SLC7A7: variants seen among roughly 807,000 people sequenced by gnomAD.
SLC7A7 encodes solute carrier family 7 member 7.
Under a neutral mutation model 47.9 loss-of-function variants are expected in SLC7A7, and 39 were observed. That is an observed-to-expected ratio of 0.81 (90% CI 0.63 to 1.06). The LOEUF (loss-of-function observed/expected upper bound fraction) is 1.06. Among genes scored for constraint, SLC7A7 ranks in the 50% least tolerant of loss-of-function variants. The pLI is 0.00. For synonymous variants in SLC7A7, 234 were observed against 242.8 expected, an observed-to-expected ratio of 0.96 and a Z score of 0.34; for missense variants, 588 against 632.0, an observed-to-expected ratio of 0.93 and a Z score of 0.75.
upstream of SLC7A7, among the ~76,000 whole-genome samples, chr14:22,819,220 C>T (rs554872420): frequency 2.2e-4 from 33 of 152,042 alleles, no homozygotes; most frequent in Non-Finnish European, 4.0e-4. Context: ...ACTTTCTCTC[C>T]CAGAGACCCC....
chr14:22,787,957 C>T (rs1341165149), intron 2 of SLC7A7, among the ~76,000 whole-genome samples: 1 of 151,526 alleles, frequency 6.6e-6, no homozygotes, highest in Non-Finnish European at 1.5e-5. Context: ...CCTGTAGTCC[C>T]AGCTACTCGG....
chr14:22,804,447 T>A (rs956422755), intron 2 of SLC7A7, among the ~76,000 whole-genome samples: 1 of 151,930 alleles, frequency 6.6e-6, no homozygotes, highest in African/African-American at 2.4e-5. Context: ...TGGGAGAAAA[T>A]TTTTGCAATC....
chr14:22,819,003 A>T (rs534847443), upstream of SLC7A7, among the ~76,000 whole-genome samples: 19 of 152,010 alleles, frequency 1.2e-4, no homozygotes, highest in Non-Finnish European at 2.5e-4. Flanking sequence ...AGGACAACAC[A>T]CTCATCCTAC....
intron 2 of SLC7A7, among the ~76,000 whole-genome samples, chr14:22,794,907 G>T (rs945879885): frequency 6.6e-6 from 1 of 151,938 alleles, no homozygotes; most frequent in Non-Finnish European, 1.5e-5. Context: ...ATTGAGAACG[G>T]CTTTTCCCAC....
Position 22,780,031 on chromosome 14 carries a change from A to G in SLC7A7, c.520T>C (p.Cys174Arg), listed in dbSNP as rs763539719. The change falls in exon 3 of 10, where the codon TGT (cysteine) becomes CGT (arginine). Residue 174 changes from cysteine to arginine, a missense_variant. Cys to Arg is a radical substitution (Grantham distance 180, BLOSUM62 -3). Transcript: ENST00000674313. ...ACICLLTFIN[C>R]AYVKWGTLVQ... ...AGGGTTCCCCATTTGACATAGGCAC[A>G]GTTAATGAAGGTTAAGAGACCTGAA... The G allele has an allele frequency of 6.2e-7, 1 of 1,614,076 alleles. No individual in the cohort carries two copies. Among genetic ancestry groups the G allele is most frequent in the Non-Finnish European group, 8.5e-7 (1 of 1,179,972 alleles).
intron 2 of SLC7A7, among the ~76,000 whole-genome samples, chr14:22,799,448 C>CT (rs56375225): frequency 0.34 from 25,947 of 76,420 alleles, 5,480 homozygotes; most frequent in Non-Finnish European, 0.42. Flanking sequence ...TTTTTTCTTT[C>CT]TTTTTTTTTT....
intron 2 of SLC7A7, among the ~76,000 whole-genome samples, chr14:22,809,593 G>A (rs949365147): frequency 4.0e-5 from 6 of 151,836 alleles, no homozygotes; most frequent in African/African-American, 9.7e-5. Context: ...CACCCATCTC[G>A]GCCTCCCAAA....
intron 2 of SLC7A7, among the ~76,000 whole-genome samples, chr14:22,810,039 CAAAAA>C (rs34386018): frequency 2.5e-3 from 149 of 60,690 alleles, no homozygotes; most frequent in East Asian, 0.012. Flanking sequence ...AACACTGTCT[CAAAAA>C]AAAAAAAAAA....
intron 2 of SLC7A7, among the ~76,000 whole-genome samples, chr14:22,799,418 T>C (rs1326236118): frequency 1.4e-5 from 2 of 146,404 alleles, no homozygotes; most frequent in Non-Finnish European, 3.0e-5. Flanking sequence ...TCTGTTCCTG[T>C]GGTTTCTTTT....
chr14:22,816,527 G>A (rs1395250656), upstream of SLC7A7: 1 of 142,710 alleles, frequency 7.0e-6, no homozygotes, highest in Non-Finnish European at 1.5e-5. Context: ...AATTAAAAAA[G>A]AATATGAGGA....
chr14:22,795,011 T>C (rs1481171302), intron 2 of SLC7A7, among the ~76,000 whole-genome samples: 1 of 152,072 alleles, frequency 6.6e-6, no homozygotes, highest in African/African-American at 2.4e-5. Context: ...ATCTCATTCT[T>C]CTCCCCAGTG....
At chr14:22,806,853 T>TC (rs2039218264) in intron 2 of SLC7A7, among the ~76,000 whole-genome samples, 2 of 149,010 alleles carry the variant, frequency 1.3e-5, no homozygotes, top group Admixed American at 1.3e-4. Context: ...CTGTGAGAGC[T>TC]CCCCGACCCC....
intron 2 of SLC7A7, 181 bp from the exon 3 acceptor site, chr14:22,780,232 A>G: frequency 1.5e-6 from 1 of 649,404 alleles, no homozygotes; most frequent in Non-Finnish European, 2.6e-6. Flanking sequence ...ATTATCATAC[A>G]AAGGCCTCTA....
At chr14:22,810,673 A>T (rs1369193462) in intron 2 of SLC7A7, among the ~76,000 whole-genome samples, 1 of 152,052 alleles carries the variant, frequency 6.6e-6, no homozygotes, top group African/African-American at 2.4e-5. Flanking sequence ...GAAATCACAG[A>T]TCATATTTAA....
intron 2 of SLC7A7, among the ~76,000 whole-genome samples, chr14:22,791,406 G>A (rs952311405): frequency 6.6e-6 from 1 of 152,116 alleles, no homozygotes; most frequent in African/African-American, 2.4e-5. Context: ...CACTCAGTTT[G>A]CTACTTTAAA....
chr14:22,795,348 T>C (rs781759281), intron 2 of SLC7A7, among the ~76,000 whole-genome samples: 12 of 150,372 alleles, frequency 8.0e-5, no homozygotes, highest in Non-Finnish European at 1.6e-4. Flanking sequence ...GGATTACAGG[T>C]GTGAGCCACC....
At chr14:22,777,690 G>A (rs148349746) in intron 4 of SLC7A7, among the ~76,000 whole-genome samples, 191 of 152,298 alleles carry the variant, frequency 1.3e-3, no homozygotes, top group African/African-American at 4.1e-3. Context: ...TTCCCATAGC[G>A]TTACCACTAG....
intron 2 of SLC7A7, among the ~76,000 whole-genome samples, chr14:22,790,089 G>A (rs35503839): frequency 0.12 from 18,117 of 152,098 alleles, 1,492 homozygotes; most frequent in African/African-American, 0.22. Context: ...AGCACTTTGG[G>A]AGGCCAGGGT....
chr14:22,806,105 C>T (rs1282826701), intron 2 of SLC7A7, among the ~76,000 whole-genome samples: 1 of 104,210 alleles, frequency 9.6e-6, no homozygotes, highest in Non-Finnish European at 1.8e-5. Context: ...ACTGACATAG[C>T]GAGACTCTGT....
Sources: allele counts gnomAD v4.1 joint callset (sites outside exome capture counted in the v4.1 genomes callset), GRCh38; gene constraint gnomAD v4.1.1; transcripts MANE v1.5; gene names NCBI Gene and HGNC (gene_info 2026-07-23, HGNC 2026-07-21).